HDDC2: variants seen among roughly 807,000 people sequenced by gnomAD.
The protein encoded by HDDC2 is HD domain containing 2.
In HDDC2, 25 loss-of-function variants were observed where a neutral mutation model predicts 25.5. That is an observed-to-expected ratio of 0.98 (90% CI 0.72 to 1.37). The LOEUF (loss-of-function observed/expected upper bound fraction) is 1.37, where lower values mean the gene tolerates loss of function less well. Ranked by LOEUF, HDDC2 falls within the 40% of genes most tolerant of loss-of-function variation. The pLI is 0.00. For synonymous variants in HDDC2, 106 were observed against 89.7 expected, an observed-to-expected ratio of 1.18 and a Z score of -1.03; for missense variants, 264 against 253.1, an observed-to-expected ratio of 1.04 and a Z score of -0.29.
At chr6:125,280,647 T>C (rs1453273366) in intron 4 of HDDC2, among the ~76,000 whole-genome samples, 1 of 152,234 alleles carries the variant, frequency 6.6e-6, no homozygotes, top group East Asian at 1.9e-4. Context: ...AAAGCCGCCG[T>C]AGCAAGACTA....
At chr6:125,283,466 A>T (rs1798489789) in intron 4 of HDDC2, among the ~76,000 whole-genome samples, 1 of 152,232 alleles carries the variant, frequency 6.6e-6, no homozygotes, top group African/African-American at 2.4e-5. Flanking sequence ...ACTTCAGCAA[A>T]GCCTCAGGAT....
intron 2 of HDDC2, 48 bp downstream of exon 2, chr6:125,300,490 C>G (rs768535527): frequency 2.5e-6 from 4 of 1,598,932 alleles, no homozygotes; most frequent in Non-Finnish European, 3.4e-6. Flanking sequence ...CGGGTGCACA[C>G]CCATAGACCA....
At position 125,292,938 on chromosome 6, in the gene HDDC2, A is replaced by T. The variant is rs760974902; in HGVS notation, c.310-29T>A. 4.6e-6 allele frequency: 7 copies of T among 1,533,044 alleles called. No individual in the cohort carries two copies. In the South Asian group the frequency reaches 7.8e-5, roughly 17 times the overall value. 95.0% of individuals were successfully genotyped at this position (1,533,044 alleles called of 1,614,324 possible). On this transcript the variant is annotated intron_variant, in intron 3 of 5. Coordinates refer to ENST00000398153, the MANE Select transcript of HDDC2 (RefSeq NM_016063.3). ...AAATATTAAACCATTATCTTTAATT[A>T]TATTGACATTTATCACAGTTAACAA...
chr6:125,298,603 A>G lies in HDDC2; in HGVS notation c.309+111T>C, dbSNP rs1226463720. 25 of 767,918 alleles carry G rather than the reference A, an allele frequency of 3.3e-5. No individual in the cohort carries two copies. The Middle Eastern group carries it at 1.5e-3, about 45-fold the overall frequency. 47.6% of individuals were successfully genotyped at this position (767,918 alleles called of 1,614,324 possible). On this transcript the variant is annotated intron_variant, in intron 3 of 5. Coordinates refer to ENST00000398153, the MANE Select transcript of HDDC2 (RefSeq NM_016063.3). Reference sequence around the variant, plus strand: ...CCTTCCCCTTCCTAAGACACTACTAAGACTATCAAGGCGGTATTCTCCCTA... The same window carrying G: ...CCTTCCCCTTCCTAAGACACTACTAGGACTATCAAGGCGGTATTCTCCCTA...
chr6:125,281,892 T>A (rs1013227237), intron 4 of HDDC2, among the ~76,000 whole-genome samples: 3 of 152,014 alleles, frequency 2.0e-5, no homozygotes, highest in Middle Eastern at 3.2e-3. Flanking sequence ...CCAAGACACA[T>A]AATCAGCAGA....
chr6:125,301,683 G>C (rs980025889), intron 1 of HDDC2, among the ~76,000 whole-genome samples, 166 bp downstream of exon 1: 1 of 152,142 alleles, frequency 6.6e-6, no homozygotes, highest in African/African-American at 2.4e-5. Flanking sequence ...GTCCACCGTC[G>C]GCAACGCGCG....
chr6:125,301,682 C>T (rs1798809954), intron 1 of HDDC2, among the ~76,000 whole-genome samples, 167 bp downstream of exon 1: 1 of 152,188 alleles, frequency 6.6e-6, no homozygotes, highest in South Asian at 2.1e-4. Flanking sequence ...CGTCCACCGT[C>T]GGCAACGCGC....
At chr6:125,300,710 T>C (rs370457361) in intron 1 of HDDC2, 51 bp from the exon 2 acceptor site, 94 of 1,550,654 alleles carry the variant, frequency 6.1e-5, no homozygotes, top group Non-Finnish European at 8.2e-5. Context: ...ATATTAACTA[T>C]CTGCTATGCT....
At chr6:125,292,551 T>G (rs915465858) in intron 4 of HDDC2, among the ~76,000 whole-genome samples, 16 of 152,166 alleles carry the variant, frequency 1.1e-4, no homozygotes, top group African/African-American at 3.9e-4. Context: ...CAAGTCCATG[T>G]TCTTTTCAAG....
At chr6:125,299,508 A>C (rs11753810) in intron 2 of HDDC2, among the ~76,000 whole-genome samples, 390 of 152,354 alleles carry the variant, frequency 2.6e-3, no homozygotes, top group Non-Finnish European at 4.4e-3. Context: ...CAAAACAGGA[A>C]GTCAAGTAAT....
intron 2 of HDDC2, among the ~76,000 whole-genome samples, chr6:125,299,119 T>C (rs1389564924): frequency 6.6e-6 from 1 of 152,194 alleles, no homozygotes; most frequent in Non-Finnish European, 1.5e-5. Flanking sequence ...GTGCGGTGGC[T>C]CACGCCTGTC....
chr6:125,293,990 C>T (rs142648275), intron 3 of HDDC2, among the ~76,000 whole-genome samples: 68 of 152,250 alleles, frequency 4.5e-4, no homozygotes, highest in African/African-American at 1.5e-3. Context: ...CTCAAAGATC[C>T]CAGGAGCTAC....
At chr6:125,293,038 T>A in intron 3 of HDDC2, 129 bp from the exon 4 acceptor site, 2 of 747,094 alleles carry the variant, frequency 2.7e-6, no homozygotes, top group Non-Finnish European at 2.4e-6. Context: ...AATTGGCCTA[T>A]ACTGGACAAT....
At chr6:125,297,491 G>T in intron 3 of HDDC2, 1 of 398,794 alleles carries the variant, frequency 2.5e-6, no homozygotes, top group South Asian at 1.3e-4. Flanking sequence ...ACCTTTGAAG[G>T]GCAAAAATCC....
intron 2 of HDDC2, among the ~76,000 whole-genome samples, chr6:125,299,929 C>T (rs761692940): frequency 6.6e-6 from 1 of 152,212 alleles, no homozygotes; most frequent in Non-Finnish European, 1.5e-5. Context: ...GCACCTCCTC[C>T]ATTAAGATCA....
intron 5 of HDDC2, chr6:125,276,464 G>A: frequency 1.8e-6 from 1 of 541,082 alleles, no homozygotes; most frequent in Non-Finnish European, 3.3e-6. Flanking sequence ...ATAAGGATGA[G>A]ACTCAGGCAA....
At chr6:125,280,623 C>T (rs1203362711) in intron 4 of HDDC2, among the ~76,000 whole-genome samples, 2 of 152,232 alleles carry the variant, frequency 1.3e-5, no homozygotes, top group Non-Finnish European at 2.9e-5. Context: ...GGGCGGAGCC[C>T]ACCACATCGC....
chr6:125,281,084 G>C (rs1798451009), intron 4 of HDDC2, among the ~76,000 whole-genome samples: 1 of 152,202 alleles, frequency 6.6e-6, no homozygotes, highest in South Asian at 2.1e-4. Flanking sequence ...TGGACCCTCA[G>C]CAAACGCCAG....
intron 4 of HDDC2, among the ~76,000 whole-genome samples, chr6:125,280,381 C>T (rs961620845): frequency 6.6e-6 from 1 of 152,124 alleles, no homozygotes; most frequent in Admixed American, 6.5e-5. Flanking sequence ...GGAATACCAG[C>T]AAGACACACT....
Sources: gnomAD v4.1 joint callset for allele counts (sites outside exome capture counted in the v4.1 genomes callset) on GRCh38, gnomAD v4.1.1 for gene constraint, MANE v1.5 for transcripts, NCBI Gene and HGNC (gene_info 2026-07-23, HGNC 2026-07-21) for gene names.